The following TENM4 variants were observed in gnomAD, a reference collection of about 807,000 sequenced individuals.
The protein encoded by TENM4 is teneurin-4.
Under a neutral mutation model 243.3 loss-of-function variants are expected in TENM4, and 82 were observed. The observed-to-expected ratio is 0.34, with a 90% CI of 0.28 to 0.40. TENM4 has a LOEUF of 0.40. Among genes scored for constraint, TENM4 ranks in the 10% least tolerant of loss-of-function variants. The pLI is 1.00. For synonymous variants in TENM4, 1,412 were observed against 1,456.3 expected, an observed-to-expected ratio of 0.97 and a Z score of 0.69; for missense variants, 3,138 against 3,673.3, an observed-to-expected ratio of 0.85 and a Z score of 3.77.
chr11:78,658,539 G>A lies in TENM4; in HGVS notation c.7829C>T (p.Thr2610Ile). The A allele has an allele frequency of 1.9e-6, 3 of 1,614,062 alleles. No individual in the cohort carries two copies. The highest frequency in any genetic ancestry group is 2.5e-6 in the Non-Finnish European group (3 of 1,179,914). ...HAHYLENLHF[T>I]IDGVDTHYFV... Reference sequence around the variant, plus strand: ...GTAATGGGTATCCACCCCATCAATGGTGAAGTGCAGGTTCTCTAGGTAGTG... The same window carrying A: ...GTAATGGGTATCCACCCCATCAATGATGAAGTGCAGGTTCTCTAGGTAGTG... The change falls in exon 34 of 34, where the codon ACC becomes ATC. Residue 2610 changes from threonine to isoleucine, a missense_variant. Physicochemically the swap from Thr to Ile is moderately conservative, Grantham distance 89. Around this residue, in one of 2 missense-constraint regions of TENM4, gnomAD observed 2,467 missense variants for 3,059.1 expected, o/e 0.81. Transcript: ENST00000278550.
intron 18 of TENM4, among the ~76,000 whole-genome samples, chr11:78,757,328 T>C (rs1184730154): frequency 2.0e-5 from 3 of 152,122 alleles, no homozygotes; most frequent in Admixed American, 6.5e-5. Context: ...ACATGAACAT[T>C]TGTGATGCTA....
Position 79,046,192 on chromosome 11 carries a change from A to G in TENM4, c.493+18546T>C, listed in dbSNP as rs184674123. ...GGCTTAAGATTGTGTGTCCTGGCCC[A>G]GCCTGGTCAGCTGTGAGATGCTGTG... On this transcript the variant is annotated intron_variant, in intron 6 of 33. Coordinates refer to ENST00000278550, the MANE Select transcript of TENM4 (RefSeq NM_001098816.3). 1.5e-3 allele frequency among the ~76,000 whole-genome samples: 234 copies of G among 152,358 alleles called. 5 individuals carry two copies. The highest frequency in any genetic ancestry group is 0.014 in the Admixed American group (213 of 15,304).
intron 6 of TENM4, among the ~76,000 whole-genome samples, chr11:79,007,099 C>T (rs781159721): frequency 1.1e-4 from 16 of 152,170 alleles, no homozygotes; most frequent in Non-Finnish European, 1.9e-4. Context: ...CCAGCCTACC[C>T]TGCAGATTTT....
At chr11:78,846,313 G>A (rs565199865) in intron 12 of TENM4, among the ~76,000 whole-genome samples, 1 of 152,280 alleles carries the variant, frequency 6.6e-6, no homozygotes, top group African/African-American at 2.4e-5. Flanking sequence ...TTTGATGATT[G>A]TATTTAAACT....
chr11:79,107,649 T>C (rs1861406137), intron 4 of TENM4, among the ~76,000 whole-genome samples: 1 of 152,220 alleles, frequency 6.6e-6, no homozygotes, highest in South Asian at 2.1e-4. Flanking sequence ...ACCTTCCCAG[T>C]GGTCTCAGAT....
At chr11:79,114,689 C>T (rs1000113329) in intron 4 of TENM4, among the ~76,000 whole-genome samples, 3 of 152,184 alleles carry the variant, frequency 2.0e-5, no homozygotes, top group Non-Finnish European at 2.9e-5. Context: ...AGGGGCTCCA[C>T]ATTTTTATGT....
chr11:79,170,778 G>A (rs866411830), intron 3 of TENM4, among the ~76,000 whole-genome samples: 1 of 152,174 alleles, frequency 6.6e-6, no homozygotes, highest in East Asian at 1.9e-4. Context: ...ACACTATGTT[G>A]TTTAAGCCAC....
intron 6 of TENM4, among the ~76,000 whole-genome samples, chr11:79,057,829 C>T (rs544849172): frequency 1.3e-5 from 2 of 152,280 alleles, no homozygotes; most frequent in East Asian, 1.9e-4. Context: ...ATGTCCTAGC[C>T]TCATATGACA....
At chr11:79,245,682 G>A (rs1432140784) in intron 2 of TENM4, among the ~76,000 whole-genome samples, 12 of 152,234 alleles carry the variant, frequency 7.9e-5, no homozygotes, top group East Asian at 1.9e-4. Flanking sequence ...GCTCACGCTC[G>A]TAATCCCAGC....
chr11:78,810,979 T>A (rs1214181266), intron 14 of TENM4, among the ~76,000 whole-genome samples: 1 of 152,094 alleles, frequency 6.6e-6, no homozygotes, highest in East Asian at 1.9e-4. Flanking sequence ...ATGAAGTGAG[T>A]GGGGCGAAAC....
At chr11:78,893,775 T>TCA (rs1223569491) in intron 7 of TENM4, among the ~76,000 whole-genome samples, 4 of 23,774 alleles carry the variant, frequency 1.7e-4, no homozygotes, top group Admixed American at 4.3e-4. Context: ...TTTCAGGACT[T>TCA]CACATACACA....
intron 2 of TENM4, among the ~76,000 whole-genome samples, chr11:79,287,989 C>T (rs867113814): frequency 6.6e-6 from 1 of 152,158 alleles, no homozygotes; most frequent in Non-Finnish European, 1.5e-5. Context: ...GTGGGAACCC[C>T]AACAGCCTAA....
intron 6 of TENM4, among the ~76,000 whole-genome samples, chr11:78,908,767 C>A (rs370211191): frequency 7.2e-5 from 11 of 152,334 alleles, no homozygotes; most frequent in South Asian, 6.2e-4. Flanking sequence ...CAGAGCAAAC[C>A]AGGCAGGGGC....
At chr11:79,430,512 T>G (rs1424333597) in intron 1 of TENM4, among the ~76,000 whole-genome samples, 1 of 152,034 alleles carries the variant, frequency 6.6e-6, no homozygotes, top group East Asian at 1.9e-4. Flanking sequence ...GATCCTACAA[T>G]CTCAAGAGAG....
chr11:78,901,030 G>A (rs1380330263), intron 7 of TENM4, among the ~76,000 whole-genome samples: 1 of 152,148 alleles, frequency 6.6e-6, no homozygotes, highest in Non-Finnish European at 1.5e-5. Context: ...GAATAAGTAG[G>A]ACTGGATAGA....
At chr11:78,743,609 C>T (rs1855980686) in intron 19 of TENM4, among the ~76,000 whole-genome samples, 1 of 152,188 alleles carries the variant, frequency 6.6e-6, no homozygotes. Context: ...GGCCAGCCCG[C>T]ACTCTCCCTC....
Position 79,344,600 on chromosome 11 carries a change from A to G in TENM4, c.-320-47057T>C, listed in dbSNP as rs111346903. 8.8e-3 allele frequency among the ~76,000 whole-genome samples: 1,333 copies of G among 152,330 alleles called. 5 individuals are homozygous for G. Among genetic ancestry groups the G allele is most frequent in the Middle Eastern group, 0.027 (8 of 294 alleles). Reference sequence around the variant, plus strand: ...TTGAAAACAAAACTTCTCTTTGACCAACATGCAAGAGTGCAGACCATTTTG... The same window carrying G: ...TTGAAAACAAAACTTCTCTTTGACCGACATGCAAGAGTGCAGACCATTTTG... On this transcript the variant is annotated intron_variant, in intron 1 of 33. Coordinates refer to ENST00000278550, the MANE Select transcript of TENM4 (RefSeq NM_001098816.3).
rs892668911 is a variant in TENM4, at chr11:79,373,462, T to C, written c.-321+67047A>G. Among the ~76,000 whole-genome samples the C allele has an allele frequency of 1.6e-4, 24 of 150,784 alleles. 1 individual carries two copies. The highest frequency in any genetic ancestry group is 3.0e-4 in the Non-Finnish European group (20 of 67,610). On this transcript the variant is annotated intron_variant, in intron 1 of 33. Coordinates refer to ENST00000278550, the MANE Select transcript of TENM4 (RefSeq NM_001098816.3). ...AATGGATGGATGGCTCGTTGAAAGG[T>C]TGGCTGGCTGGCTGGTTGGATAAAT...
intron 1 of TENM4, among the ~76,000 whole-genome samples, chr11:79,431,884 A>G (rs960030256): frequency 2.0e-5 from 3 of 152,160 alleles, no homozygotes; most frequent in Non-Finnish European, 4.4e-5. Flanking sequence ...AGGAAATTTT[A>G]CATTGGAGTT....
Sources: gnomAD v4.1 joint callset for allele counts (sites outside exome capture counted in the v4.1 genomes callset) on GRCh38, gnomAD v4.1.1 for gene constraint, gnomAD v4.1.1 regional missense constraint, MANE v1.5 for transcripts, NCBI Gene and HGNC (gene_info 2026-07-23, HGNC 2026-07-21) for gene names.